MAGI2: variants seen among roughly 807,000 people sequenced by gnomAD.
The protein encoded by MAGI2 is membrane associated guanylate kinase, WW and PDZ domain containing 2.
Under a neutral mutation model 133.3 loss-of-function variants are expected in MAGI2, and 35 were observed. The observed-to-expected ratio is 0.26, with a 90% CI of 0.20 to 0.35. The LOEUF (loss-of-function observed/expected upper bound fraction) is 0.35, where lower values mean the gene tolerates loss of function less well. Ranked by LOEUF, MAGI2 falls within the 10% of genes least tolerant of loss-of-function variation. The pLI, the probability that MAGI2 is intolerant of heterozygous loss-of-function variation, is 1.00. For missense variants in MAGI2, 1,636 were observed against 1,863.4 expected, an observed-to-expected ratio of 0.88 and a Z score of 2.25; for synonymous variants, 729 against 710.6, an observed-to-expected ratio of 1.03 and a Z score of -0.41.
In MAGI2 at chr7:78,079,059, A is replaced by G. The variant is rs759421391; in HGVS notation, c.3594T>C (p.Asn1198=). The change falls in exon 21 of 22, where the codon AAT becomes AAC. Residue 1198 remains asparagine (N), a synonymous_variant. Transcript: ENST00000354212. ...MRVGDQIIEI[N]GESTRDMTHA... ...GTGTCATGTCCCTTGTGCTTTCCCC[A>G]TTGATTTCAATGATTTGATCTCCTA... 2 of 1,613,598 alleles carry G rather than the reference A, an allele frequency of 1.2e-6. No individual in the cohort carries two copies. The highest frequency in any genetic ancestry group is 1.1e-5 in the South Asian group (1 of 90,876).
intron 3 of MAGI2, among the ~76,000 whole-genome samples, chr7:78,525,796 A>G (rs769430861): frequency 6.6e-6 from 1 of 152,200 alleles, no homozygotes; most frequent in Non-Finnish European, 1.5e-5. Flanking sequence ...AAAAGCAACT[A>G]TAACTATTAC....
At chr7:79,336,258 C>T (rs995517182) in intron 1 of MAGI2, among the ~76,000 whole-genome samples, 1 of 152,050 alleles carries the variant, frequency 6.6e-6, no homozygotes, top group Non-Finnish European at 1.5e-5. Context: ...GGTTAAATAG[C>T]ATGTCTAACG....
chr7:79,200,070 A>C (rs956406621), intron 1 of MAGI2, among the ~76,000 whole-genome samples: 7 of 151,610 alleles, frequency 4.6e-5, no homozygotes, highest in Admixed American at 3.9e-4. Context: ...TGTGGCTGTC[A>C]ATTACAGGAC....
intron 20 of MAGI2, among the ~76,000 whole-genome samples, chr7:78,105,134 G>A (rs1356029893): frequency 7.2e-6 from 1 of 138,328 alleles, no homozygotes; most frequent in African/African-American, 2.5e-5. Context: ...ATATTCCCTT[G>A]ATTTTTTTAG....
chr7:78,291,448 C>T (rs944499540), intron 9 of MAGI2, among the ~76,000 whole-genome samples: 7 of 152,106 alleles, frequency 4.6e-5, no homozygotes, highest in African/African-American at 1.7e-4. Context: ...TAATAGCTTA[C>T]CAACCAAAAA....
At chr7:79,094,957 A>G (rs992025372) in intron 1 of MAGI2, among the ~76,000 whole-genome samples, 2 of 152,160 alleles carry the variant, frequency 1.3e-5, no homozygotes, top group Non-Finnish European at 2.9e-5. Context: ...ACTAGCTTCA[A>G]TTTGAAGTCA....
intron 2 of MAGI2, among the ~76,000 whole-genome samples, chr7:78,693,868 A>G (rs569263619): frequency 5.8e-4 from 89 of 152,212 alleles, no homozygotes; most frequent in Non-Finnish European, 8.1e-4. Context: ...CCACGGTGAG[A>G]CTGTCTGCTT....
At chr7:79,195,725 A>G (rs1325098989) in intron 1 of MAGI2, among the ~76,000 whole-genome samples, 1 of 151,898 alleles carries the variant, frequency 6.6e-6, no homozygotes. Context: ...CAAGCTCTCT[A>G]CAATAGTCAT....
At chr7:79,306,749 A>T (rs1837848155) in intron 1 of MAGI2, among the ~76,000 whole-genome samples, 2 of 152,122 alleles carry the variant, frequency 1.3e-5, no homozygotes, top group Admixed American at 1.3e-4. Context: ...GATTCTATGA[A>T]GTATTTGAAG....
rs114233436 is a variant in MAGI2, at chr7:79,452,940, T to A, written c.301+80A>T. 5,966 of 1,440,296 alleles carry A rather than the reference T, an allele frequency of 4.1e-3. 209 individuals carry two copies. In the African/African-American group the frequency reaches 0.075, roughly 18 times the overall value. The allele number at this position is 1,440,296 out of a possible 1,614,324, so 89.2% of individuals were successfully genotyped here. A position where few individuals can be genotyped will look rare whatever the true frequency, so the allele number is the denominator to read the frequency against. On this transcript the variant is annotated intron_variant, in intron 1 of 21. Transcript: ENST00000354212. ...ATCGCGCAACACACCCCCTTCAACA[T>A]GCGCGGCCACCCTTTCATTGCCCTG...
intron 20 of MAGI2, among the ~76,000 whole-genome samples, chr7:78,096,047 C>T (rs960495212): frequency 3.9e-5 from 6 of 152,112 alleles, no homozygotes; most frequent in East Asian, 1.9e-4. Flanking sequence ...AAAGGGTTAC[C>T]GACTAATGTG....
intron 6 of MAGI2, among the ~76,000 whole-genome samples, chr7:78,448,786 A>AC (rs1161891559): frequency 2.0e-5 from 3 of 152,042 alleles, no homozygotes; most frequent in African/African-American, 7.2e-5. Flanking sequence ...ATACACAGAC[A>AC]CCCATACCCA....
chr7:79,079,679 A>G (rs988698150), intron 1 of MAGI2, among the ~76,000 whole-genome samples: 6 of 152,176 alleles, frequency 3.9e-5, no homozygotes, highest in African/African-American at 9.6e-5. Flanking sequence ...AAACCTGACT[A>G]TCAATAGAAT....
At chr7:78,612,089 T>C (rs912034413) in intron 3 of MAGI2, among the ~76,000 whole-genome samples, 3 of 152,232 alleles carry the variant, frequency 2.0e-5, no homozygotes, top group Non-Finnish European at 4.4e-5. Context: ...AATTTCTACC[T>C]CTACTATTGT....
chr7:78,149,173 T>C (rs1417447887), intron 16 of MAGI2, among the ~76,000 whole-genome samples: 1 of 152,182 alleles, frequency 6.6e-6, no homozygotes, highest in Non-Finnish European at 1.5e-5. Flanking sequence ...CACAGCCACA[T>C]GTGGCTAATG....
chr7:78,618,660 G>T (rs902129505), intron 3 of MAGI2: 23 of 151,660 alleles, frequency 1.5e-4, no homozygotes, highest in African/African-American at 5.3e-4. Context: ...TTATATTGTG[G>T]TATATACAAT....
intron 10 of MAGI2, among the ~76,000 whole-genome samples, chr7:78,243,258 C>A: frequency 2.5e-5 from 1 of 40,776 alleles, no homozygotes; most frequent in South Asian, 6.2e-4. Flanking sequence ...CACACACACA[C>A]ACACACACAC....
chr7:78,928,192 A>G (rs1394282469), intron 2 of MAGI2, among the ~76,000 whole-genome samples: 36 of 152,006 alleles, frequency 2.4e-4, no homozygotes. Context: ...ATTAGTTCAT[A>G]AAAGTGCCTG....
intron 1 of MAGI2, among the ~76,000 whole-genome samples, chr7:79,163,058 T>C (rs1333279842): frequency 6.6e-6 from 1 of 152,116 alleles, no homozygotes; most frequent in Non-Finnish European, 1.5e-5. Context: ...TGTAGAGTTA[T>C]ATGACTTCTC....
Sources: allele counts gnomAD v4.1 joint callset (sites outside exome capture counted in the v4.1 genomes callset), GRCh38; gene constraint gnomAD v4.1.1; transcripts MANE v1.5; gene names NCBI Gene and HGNC (gene_info 2026-07-23, HGNC 2026-07-21).